The following CCDC18 variants were observed in gnomAD, a reference collection of about 807,000 sequenced individuals.
CCDC18 encodes the protein coiled-coil domain-containing protein 18.
A neutral mutation model predicts 196.0 loss-of-function variants in CCDC18; 157 were observed. The observed-to-expected ratio is 0.80, with a 90% CI of 0.70 to 0.91. CCDC18 has a LOEUF of 0.91. Among genes scored for constraint, CCDC18 ranks in the 40% least tolerant of loss-of-function variants. CCDC18 has a pLI of 0.00. For synonymous variants in CCDC18, 482 were observed against 529.2 expected, an observed-to-expected ratio of 0.91 and a Z score of 1.22; for missense variants, 1,465 against 1,611.6, an observed-to-expected ratio of 0.91 and a Z score of 1.56.
At position 93,260,714 on chromosome 1, in the gene CCDC18, A is replaced by T. The variant is rs561401747; in HGVS notation, c.3684+1829A>T. ...TACACATGCCATGGTGGTTTGCTGTACCCATCAACCTGTCACCTACATTAG... is the reference window on the plus strand; with the variant it reads ...TACACATGCCATGGTGGTTTGCTGTTCCCATCAACCTGTCACCTACATTAG... On this transcript the variant is annotated intron_variant, in intron 26 of 28. Coordinates refer to ENST00000690025, the MANE Select transcript of CCDC18 (RefSeq NM_001378204.1). Among the ~76,000 whole-genome samples, 11 of 152,096 alleles carry T rather than the reference A, an allele frequency of 7.2e-5. No individual in the cohort carries two copies. The South Asian group carries it at 2.1e-3, about 29-fold the overall frequency.
intron 28 of CCDC18, among the ~76,000 whole-genome samples, chr1:93,276,073 GTTGGGCTGTGCAGAGGGT>G (rs1665605593): frequency 6.6e-6 from 1 of 152,218 alleles, no homozygotes; most frequent in African/African-American, 2.4e-5. Flanking sequence ...AGGCGCCATT[GTTGGGCTGTGCAGAGGGT>G]ATCAGCTGGC....
intron 16 of CCDC18, among the ~76,000 whole-genome samples, chr1:93,224,453 C>T (rs1408769276): frequency 6.6e-6 from 1 of 152,146 alleles, no homozygotes; most frequent in African/African-American, 2.4e-5. Context: ...TAAAATTGTC[C>T]TTTATAGCCT....
intron 27 of CCDC18, 105 bp downstream of exon 27, chr1:93,265,006 G>C: frequency 1.4e-6 from 1 of 719,352 alleles, no homozygotes; most frequent in South Asian, 1.8e-5. Flanking sequence ...CCAAATATTG[G>C]CCTGTTTGAA....
At chr1:93,248,940 C>G (rs1024803977) in intron 23 of CCDC18, among the ~76,000 whole-genome samples, 2 of 148,914 alleles carry the variant, frequency 1.3e-5, no homozygotes, top group African/African-American at 5.0e-5. Flanking sequence ...ACAACTGCAC[C>G]CCAGCCTGGG....
At chr1:93,181,955 T>G (rs900113307) in intron 1 of CCDC18, among the ~76,000 whole-genome samples, 1 of 152,192 alleles carries the variant, frequency 6.6e-6, no homozygotes, top group East Asian at 1.9e-4. Flanking sequence ...GATGTTGAAC[T>G]AAAACCTGAT....
chr1:93,189,320 G>T (rs535312042), intron 4 of CCDC18, among the ~76,000 whole-genome samples: 1 of 152,098 alleles, frequency 6.6e-6, no homozygotes, highest in Non-Finnish European at 1.5e-5. Flanking sequence ...TCTTCTTTAT[G>T]GATGAATAGT....
At chr1:93,181,159 T>TTAAAAAAAAA (rs777168910) in intron 1 of CCDC18, among the ~76,000 whole-genome samples, 7 of 89,872 alleles carry the variant, frequency 7.8e-5, no homozygotes, top group African/African-American at 3.0e-4. Flanking sequence ...TCTATAAAAT[T>TTAAAAAAAAA]AAAAAAAAAA....
At chr1:93,199,602 G>A (rs999364514) in intron 6 of CCDC18, among the ~76,000 whole-genome samples, 3 of 152,200 alleles carry the variant, frequency 2.0e-5, no homozygotes, top group African/African-American at 7.2e-5. Context: ...GCGTGTTTCA[G>A]CCATTTGTGT....
chr1:93,266,060 C>T lies in CCDC18; in HGVS notation c.3885+1159C>T, dbSNP rs573613884. On this transcript the variant is annotated intron_variant, in intron 27 of 28. Transcript: ENST00000690025. The stretch of plus-strand genomic sequence containing the variant: ...TAGTTGGAAATAAAGCATTCTTCAG[C>T]AAATGTAAAAGAATAGAAATCACCA... 2.6e-5 allele frequency among the ~76,000 whole-genome samples: 4 copies of T among 152,302 alleles called. No homozygotes were observed. In the South Asian group the frequency reaches 8.3e-4, roughly 32 times the overall value.
chr1:93,189,341 G>GT (rs1461159957), intron 4 of CCDC18, among the ~76,000 whole-genome samples: 1 of 152,194 alleles, frequency 6.6e-6, no homozygotes, highest in Non-Finnish European at 1.5e-5. Flanking sequence ...ACTCCATTGT[G>GT]TAAGTACTAC....
Position 93,180,727 on chromosome 1 carries a change from T to G in CCDC18, c.-128T>G. Reference sequence around the variant, plus strand: ...GCGTCCCAACGGCTCCCGCGGCGGTTCGAATTCTGTGCTGCCGGGGTTCGC... The same window carrying G: ...GCGTCCCAACGGCTCCCGCGGCGGTGCGAATTCTGTGCTGCCGGGGTTCGC... On this transcript the variant is annotated 5_prime_UTR_variant, in exon 1 of 29. Coordinates refer to ENST00000690025, the MANE Select transcript of CCDC18 (RefSeq NM_001378204.1). 7.3e-7 allele frequency: 1 copy of G among 1,364,224 alleles called. No homozygotes were observed. Among genetic ancestry groups the G allele is most frequent in the Non-Finnish European group, 9.8e-7 (1 of 1,020,156 alleles). The allele number at this position is 1,364,224 out of a possible 1,614,324, so 84.5% of individuals were successfully genotyped here. A position where few individuals can be genotyped will look rare whatever the true frequency, so the allele number is the denominator to read the frequency against.
rs1663352675 is a variant in CCDC18, at chr1:93,258,633, CTG to C, written c.3547-111_3547-110del. 6 of 723,152 alleles carry C rather than the reference CTG, an allele frequency of 8.3e-6. No homozygotes were observed. The South Asian group carries it at 1.9e-4, about 22-fold the overall frequency. The allele number at this position is 723,152 out of a possible 1,614,324, so 44.8% of individuals were successfully genotyped here. ...ACTATTTAGTAAGTTAACTTTGTGT[CTG>C]TGTTTATATAATATAAAAAATTAAA... On this transcript the variant is annotated intron_variant, in intron 25 of 28. Coordinates refer to ENST00000690025, the MANE Select transcript of CCDC18 (RefSeq NM_001378204.1).
rs74101453 is a variant in CCDC18 at position 93,183,834 on chromosome 1, A to C, written c.135-144A>C. On this transcript the variant is annotated intron_variant, in intron 2 of 28. Coordinates refer to ENST00000690025, the MANE Select transcript of CCDC18 (RefSeq NM_001378204.1). ...TAAAAGTAATTATGATTTATTTAAA[A>C]TTTAGTGGAAACATTGCCTTATGTT... 1,822 of 466,484 alleles carry C rather than the reference A, an allele frequency of 3.9e-3. 27 individuals carry two copies. Among genetic ancestry groups the C allele is most frequent in the African/African-American group, 0.031 (1,543 of 49,924 alleles). 28.9% of individuals were successfully genotyped at this position (466,484 alleles called of 1,614,324 possible).
intron 25 of CCDC18, among the ~76,000 whole-genome samples, chr1:93,258,004 A>G (rs1225114737): frequency 6.6e-6 from 1 of 151,728 alleles, no homozygotes; most frequent in Non-Finnish European, 1.5e-5. Flanking sequence ...TCCATCATCT[A>G]TAGTTTCCAA....
At chr1:93,253,657 C>T (rs1262216291) in intron 23 of CCDC18, among the ~76,000 whole-genome samples, 1 of 152,196 alleles carries the variant, frequency 6.6e-6, no homozygotes, top group East Asian at 1.9e-4. Flanking sequence ...CGGTCCACTG[C>T]TGAGACTGAT....
At chr1:93,181,683 T>A (rs1649723806) in intron 1 of CCDC18, among the ~76,000 whole-genome samples, 1 of 152,068 alleles carries the variant, frequency 6.6e-6, no homozygotes, top group African/African-American at 2.4e-5. Flanking sequence ...TGGCGCGATC[T>A]CGGCTCACTG....
intron 5 of CCDC18, 59 bp downstream of exon 5, chr1:93,192,165 T>A (rs1255790805): frequency 9.3e-7 from 1 of 1,078,044 alleles, no homozygotes; most frequent in African/African-American, 1.6e-5. Flanking sequence ...TTTTATTATA[T>A]CTTGTTAAAT....
chr1:93,272,308 C>G (rs1472552066), intron 28 of CCDC18, among the ~76,000 whole-genome samples: 1 of 152,062 alleles, frequency 6.6e-6, no homozygotes, highest in African/African-American at 2.4e-5. Context: ...ATAGTAGATG[C>G]TGAATGAATA....
intron 7 of CCDC18, among the ~76,000 whole-genome samples, chr1:93,204,520 G>C (rs1312166887): frequency 6.6e-6 from 1 of 152,090 alleles, no homozygotes; most frequent in Non-Finnish European, 1.5e-5. Context: ...GGAATGATGA[G>C]TTAATAAAAG....
Sources: gnomAD v4.1 joint callset for allele counts (sites outside exome capture counted in the v4.1 genomes callset) on GRCh38, gnomAD v4.1.1 for gene constraint, MANE v1.5 for transcripts, NCBI Gene and HGNC (gene_info 2026-07-23, HGNC 2026-07-21) for gene names.